BPIFB4: variants seen among roughly 807,000 people sequenced by gnomAD.
BPIFB4 encodes BPI fold containing family B member 4.
In BPIFB4, 62 loss-of-function variants were observed where a neutral mutation model predicts 69.2. The ratio of observed to expected loss-of-function variants is 0.90; its 90% CI spans 0.73 to 1.11. BPIFB4 has a LOEUF of 1.11. BPIFB4 is among the 50% of genes least tolerant of loss of function. BPIFB4 has a pLI of 0.00. For synonymous variants in BPIFB4, 330 were observed against 332.7 expected (o/e 0.99, Z 0.09); for missense variants, 789 against 792.0 (o/e 1.00, Z 0.04).
intron 3 of BPIFB4, 106 bp from the exon 4 acceptor site, chr20:33,082,832 G>T: frequency 1.8e-6 from 2 of 1,133,090 alleles, no homozygotes; most frequent in Admixed American, 1.7e-5. Context: ...TTCGCTGGTG[G>T]GAAAAGTGAG....
Position 33,100,438 on chromosome 20 carries a change from T to A in BPIFB4, c.1582T>A (p.Leu528Met). Residue 528 changes from leucine (L) to methionine (M), a missense_variant, in exon 14 of 18, where the codon TTG becomes ATG. By Grantham distance (15) the Leu-to-Met change is conservative. Transcript: ENST00000375483. Reference protein sequence around the residue: ...ICLIDVDTEFLASFSTEGDKL... With the variant: ...ICLIDVDTEFMASFSTEGDKL... ...CCTTTCCCTCCAGGACACAGAATTC[T>A]TGGCCTCATTTTCCACAGAAGGAGA... 1 of 1,601,212 alleles carries A rather than the reference T, an allele frequency of 6.2e-7. No homozygotes were observed. The highest frequency in any genetic ancestry group is 8.6e-7 in the Non-Finnish European group (1 of 1,168,200).
chr20:33,094,695 C>A (rs78730125), intron 11 of BPIFB4, among the ~76,000 whole-genome samples: 2 of 151,812 alleles, frequency 1.3e-5, no homozygotes, highest in African/African-American at 4.8e-5. Context: ...TTAGTAGAGG[C>A]GGGATTTTCA....
intron 15 of BPIFB4, among the ~76,000 whole-genome samples, chr20:33,103,839 T>G (rs1568588340): frequency 1.3e-5 from 2 of 152,206 alleles, no homozygotes; most frequent in African/African-American, 4.8e-5. Context: ...TCCCAGCTGG[T>G]TGGGGCAGAG....
chr20:33,098,826 G>A (rs1198355122), intron 13 of BPIFB4, among the ~76,000 whole-genome samples: 1 of 151,146 alleles, frequency 6.6e-6, no homozygotes, highest in Non-Finnish European at 1.5e-5. Flanking sequence ...CCTGACAATG[G>A]CCCACAAAGT....
intron 4 of BPIFB4, 72 bp downstream of exon 4, chr20:33,083,072 G>A (rs1406653840): frequency 6.9e-6 from 10 of 1,455,096 alleles, no homozygotes; most frequent in Non-Finnish European, 9.6e-6. Context: ...TGGAGGTGGT[G>A]GGGGAGGTGG....
intron 15 of BPIFB4, among the ~76,000 whole-genome samples, chr20:33,103,899 C>CA (rs1305925374): frequency 7.2e-5 from 11 of 152,188 alleles, no homozygotes; most frequent in African/African-American, 2.7e-4. Flanking sequence ...AAGGGGCTGA[C>CA]AGTGTAAAAT....
intron 9 of BPIFB4, 129 bp downstream of exon 9, chr20:33,089,687 C>T: frequency 6.7e-7 from 1 of 1,490,820 alleles, no homozygotes; most frequent in Non-Finnish European, 8.9e-7. Flanking sequence ...TGGCTAATGC[C>T]ACAAGGGAGG....
At chr20:33,095,734 G>A (rs1342465373) in intron 12 of BPIFB4, among the ~76,000 whole-genome samples, 1 of 152,150 alleles carries the variant, frequency 6.6e-6, no homozygotes, top group Non-Finnish European at 1.5e-5. Context: ...GGGTGGCTGT[G>A]GACCTGGAGT....
intron 6 of BPIFB4, among the ~76,000 whole-genome samples, chr20:33,085,766 G>A (rs1220404972): frequency 1.3e-5 from 2 of 152,208 alleles, no homozygotes; most frequent in Non-Finnish European, 2.9e-5. Context: ...ACCAAGCTAG[G>A]CAATTGGGAG....
intron 12 of BPIFB4, among the ~76,000 whole-genome samples, chr20:33,095,795 G>C (rs1410613722): frequency 6.6e-6 from 1 of 152,134 alleles, no homozygotes; most frequent in African/African-American, 2.4e-5. Flanking sequence ...TATTATTGCT[G>C]TTGTTAATAA....
chr20:33,092,778 CT>C, intron 11 of BPIFB4, 120 bp downstream of exon 11: 1 of 889,148 alleles, frequency 1.1e-6, no homozygotes, highest in African/African-American at 1.6e-5. Context: ...TGGTCCACCC[CT>C]TGACTCACCT....
intron 2 of BPIFB4, 102 bp from the exon 3 acceptor site, chr20:33,081,410 C>G (rs1056189732): frequency 9.5e-6 from 14 of 1,476,916 alleles, no homozygotes; most frequent in Non-Finnish European, 1.2e-5. Context: ...TCTCTGGGTC[C>G]CAGGGTCCTG....
At chr20:33,105,419 C>T (rs368556430) in intron 16 of BPIFB4, among the ~76,000 whole-genome samples, 23 of 152,154 alleles carry the variant, frequency 1.5e-4, no homozygotes, top group African/African-American at 5.3e-4. Flanking sequence ...AATCTGCCCC[C>T]CTAGGGAACC....
intron 13 of BPIFB4, among the ~76,000 whole-genome samples, chr20:33,098,934 C>G (rs1373697528): frequency 6.6e-6 from 1 of 151,800 alleles, no homozygotes; most frequent in Non-Finnish European, 1.5e-5. Context: ...GCTGTTCCCT[C>G]TGCCTGGGAT....
In BPIFB4 at chr20:33,081,628, C is replaced by T; in HGVS notation, c.102C>T (p.Ser34=). 1 of 1,551,670 alleles carries T rather than the reference C, an allele frequency of 6.4e-7. No homozygotes were observed. The highest frequency in any genetic ancestry group is 8.7e-7 in the Non-Finnish European group (1 of 1,146,996). Residue 34 remains serine, a synonymous_variant, in exon 3 of 18, where the codon AGC becomes AGT. Coordinates refer to ENST00000375483, the MANE Select transcript of BPIFB4 (RefSeq NM_182519.3). ...TVLRVTKDVL[S]NAISGMLQQS... The stretch of plus-strand genomic sequence containing the variant: ...TCAGGGTGACGAAAGATGTGTTGAG[C>T]AATGGTGAGTCCAGCCCCAAAGGGG...
At chr20:33,090,966 T>G (rs1053061074) in intron 10 of BPIFB4, among the ~76,000 whole-genome samples, 167 bp downstream of exon 10, 4 of 152,262 alleles carry the variant, frequency 2.6e-5, no homozygotes, top group Non-Finnish European at 2.9e-5. Flanking sequence ...AACATAATCA[T>G]GGCCAGCATT....
In BPIFB4 at chr20:33,084,917, C is replaced by T. The variant is rs1432386958; in HGVS notation, c.703C>T (p.Pro235Ser). 1.7e-5 allele frequency: 28 copies of T among 1,610,060 alleles called. No individual in the cohort carries two copies. The highest frequency in any genetic ancestry group is 2.4e-5 in the Non-Finnish European group (28 of 1,179,980). The part of the protein sequence containing the change: ...TGLRIVELTL[P>S]RVSVRLLPGV... Reference sequence around the variant, plus strand: ...GCTGCGTATCGTGGAGCTGACCCTCCCTCGGGTGTCCGTGCGGCTCCTGCC... The same window carrying T: ...GCTGCGTATCGTGGAGCTGACCCTCTCTCGGGTGTCCGTGCGGCTCCTGCC... Residue 235 changes from proline to serine, a missense_variant, in exon 6 of 18, where the codon CCT becomes TCT. Transcript: ENST00000375483.
chr20:33,096,124 A>C (rs936880300), intron 12 of BPIFB4, among the ~76,000 whole-genome samples: 1 of 152,160 alleles, frequency 6.6e-6, no homozygotes. Flanking sequence ...TGTGGCTGCA[A>C]ATTGAACATC....
chr20:33,102,414 T>C (rs193120219), intron 14 of BPIFB4, among the ~76,000 whole-genome samples: 74 of 152,294 alleles, frequency 4.9e-4, no homozygotes, highest in African/African-American at 1.7e-3. Flanking sequence ...CGGAGGCCCT[T>C]ATAGAGCAGA....
Sources: allele counts gnomAD v4.1 joint callset (sites outside exome capture counted in the v4.1 genomes callset), GRCh38; gene constraint gnomAD v4.1.1; transcripts MANE v1.5; gene names NCBI Gene and HGNC (gene_info 2026-07-23, HGNC 2026-07-21).